Variants in TTC4 observed in about 807,000 individuals in gnomAD.
The protein encoded by TTC4 is tetratricopeptide repeat domain 4, also known as hsp70/Hsp90 co-chaperone CNS1 homolog.
Under a neutral mutation model 51.9 loss-of-function variants are expected in TTC4, and 36 were observed. The ratio of observed to expected loss-of-function variants is 0.69; its 90% CI spans 0.53 to 0.92. The LOEUF is 0.92. Ranked by LOEUF, TTC4 falls within the 40% of genes least tolerant of loss-of-function variation. The probability of loss-of-function intolerance (pLI) is 0.00; values close to 1 mark genes in which losing one functional copy is unlikely to be tolerated. For synonymous variants in TTC4, 144 were observed against 164.2 expected (o/e 0.88, Z 0.94); for missense variants, 399 against 454.6 (o/e 0.88, Z 1.11).
At chr1:54,726,801 C>G (rs1054927632) in intron 5 of TTC4, among the ~76,000 whole-genome samples, 1 of 152,088 alleles carries the variant, frequency 6.6e-6, no homozygotes, top group Non-Finnish European at 1.5e-5. Context: ...GAGACATGAA[C>G]TTGCTCTAAT....
chr1:54,726,695 T>C (rs1273571546), intron 5 of TTC4, among the ~76,000 whole-genome samples: 1 of 152,164 alleles, frequency 6.6e-6, no homozygotes, highest in African/African-American at 2.4e-5. Context: ...CCTAAGTAAA[T>C]AGGAAGACAT....
In TTC4 at chr1:54,718,796, T is replaced by G. The variant is rs150883700; in HGVS notation, c.391+1143T>G. On this transcript the variant is annotated intron_variant, in intron 3 of 9. Coordinates refer to ENST00000371281, the MANE Select transcript of TTC4 (RefSeq NM_004623.5). Reference sequence around the variant, plus strand: ...CCTGTGGGTTTTTTTTAAAAATAATTTATTTTTTTAATTGAGACAGGGGTC... The same window carrying G: ...CCTGTGGGTTTTTTTTAAAAATAATGTATTTTTTTAATTGAGACAGGGGTC... Among the ~76,000 whole-genome samples, 49 of 152,128 alleles carry G rather than the reference T, an allele frequency of 3.2e-4. 1 individual carries two copies. Among genetic ancestry groups the G allele is most frequent in the Admixed American group, 1.6e-3 (24 of 15,266 alleles).
chr1:54,736,165 A>G lies in TTC4; in HGVS notation c.979-1417A>G, dbSNP rs550762210. ...ACAGCTTGGGGGAGAAAGAGAGAGA[A>G]AGAAAGAAAGGAGAGAGAGAGAGAG... On this transcript the variant is annotated intron_variant, in intron 8 of 9. Transcript: ENST00000371281. 9.6e-4 allele frequency among the ~76,000 whole-genome samples: 109 copies of G among 113,982 alleles called. 3 individuals are homozygous for G. Among genetic ancestry groups the G allele is most frequent in the African/African-American group, 3.7e-3 (85 of 22,782 alleles). The allele number at this position is 113,982 out of a possible 152,430, so 74.8% of individuals were successfully genotyped here. A position where few individuals can be genotyped will look rare whatever the true frequency, so the allele number is the denominator to read the frequency against.
chr1:54,731,457 A>G, intron 6 of TTC4, 29 bp from the exon 7 acceptor site: 1 of 1,591,380 alleles, frequency 6.3e-7, no homozygotes, highest in Non-Finnish European at 8.6e-7. Flanking sequence ...GATGTGCATT[A>G]TGTGTGTGTG....
chr1:54,728,155 C>T (rs1360864699), intron 5 of TTC4, among the ~76,000 whole-genome samples, 191 bp from the exon 6 acceptor site: 1 of 152,144 alleles, frequency 6.6e-6, no homozygotes, highest in Non-Finnish European at 1.5e-5. Context: ...ATTTAAACTG[C>T]TGCTGCCACT....
chr1:54,721,132 TTC>T (rs766328641), intron 3 of TTC4, 29 bp from the exon 4 acceptor site: 266 of 1,609,358 alleles, frequency 1.7e-4, no homozygotes, highest in Non-Finnish European at 2.0e-4. Flanking sequence ...ATCTCAAAAC[TTC>T]TCTCTTTTAC....
rs770536460 is a variant in TTC4, at chr1:54,737,664, G to A, written c.1061G>A (p.Arg354Lys). Residue 354 changes from arginine to lysine, a missense_variant and splice_region_variant, in exon 9 of 10, where the codon AGG (arginine) becomes AAG (lysine). Arg to Lys is a conservative substitution (Grantham distance 26). This residue lies in a region of TTC4 where 64 missense variants were observed against 61.3 expected (regional missense o/e 1.04). Coordinates refer to ENST00000371281, the MANE Select transcript of TTC4 (RefSeq NM_004623.5). ...TTGCTACAGGTTCTACAGCACCAGA[G>A]GTGAGTCATCTCATGGCGCTGAGTA... ...STLLQVLQHQ[R>K]YFVKALTPAF... 6.2e-7 allele frequency: 1 copy of A among 1,612,310 alleles called. No individual in the cohort carries two copies. Among genetic ancestry groups the A allele is most frequent in the Non-Finnish European group, 8.5e-7 (1 of 1,179,922 alleles).
chr1:54,732,704 C>T (rs899970843), intron 7 of TTC4, among the ~76,000 whole-genome samples: 3 of 151,906 alleles, frequency 2.0e-5, no homozygotes, highest in African/African-American at 7.2e-5. Context: ...GAATGTTCCT[C>T]CCACCTCGGC....
chr1:54,716,388 C>G (rs1645675852), intron 1 of TTC4, among the ~76,000 whole-genome samples: 1 of 152,158 alleles, frequency 6.6e-6, no homozygotes, highest in Non-Finnish European at 1.5e-5. Context: ...TAATTCCTGC[C>G]GCTCTTGTAG....
chr1:54,716,000 A>G lies in TTC4; in HGVS notation c.92A>G (p.His31Arg). 6.3e-7 allele frequency: 1 copy of G among 1,594,154 alleles called. No homozygotes were observed. The highest frequency in any genetic ancestry group is 8.5e-7 in the Non-Finnish European group (1 of 1,170,782). Residue 31 changes from histidine to arginine, a missense_variant, in exon 1 of 10, where the codon CAT becomes CGT. By Grantham distance (29) the His-to-Arg change is conservative. Around this residue, in one of 3 missense-constraint regions of TTC4, gnomAD observed 316 missense variants for 349.6 expected, o/e 0.90. Transcript: ENST00000371281. The stretch of plus-strand genomic sequence containing the variant: ...AGCCAGCCTTACCGTGGCGGCTTTC[A>G]TGAGGACCAGTGGGAGAAGGTGGGC... Reference protein sequence around the residue: ...FQSQPYRGGFHEDQWEKEFEK... With the variant: ...FQSQPYRGGFREDQWEKEFEK...
chr1:54,741,494 A>T lies in TTC4; in HGVS notation c.1145A>T (p.Lys382Met), dbSNP rs766869227. 1 of 1,614,074 alleles carries T rather than the reference A, an allele frequency of 6.2e-7. No individual in the cohort carries two copies. Among genetic ancestry groups the T allele is most frequent in the Non-Finnish European group, 8.5e-7 (1 of 1,179,984 alleles). The change falls in exon 10 of 10, where the codon AAG (lysine) becomes ATG (methionine). Residue 382 changes from lysine (K) to methionine (M), a missense_variant. By Grantham distance (95) the Lys-to-Met change is moderately conservative (BLOSUM62 -1). Transcript: ENST00000371281. ...TGCAAGAATTTTCTCCGGGGGAGAA[A>T]GGTGTACCAGATACGATGACTAAGC... ...PFCKNFLRGRKVYQIR is the reference protein window; with the variant it reads ...PFCKNFLRGRMVYQIR
intron 5 of TTC4, among the ~76,000 whole-genome samples, chr1:54,723,789 G>A (rs1292596916): frequency 6.6e-6 from 1 of 152,128 alleles, no homozygotes; most frequent in African/African-American, 2.4e-5. Flanking sequence ...TTTAAATGTT[G>A]GATATTATTT....
intron 1 of TTC4, 150 bp downstream of exon 1, chr1:54,716,169 G>A (rs183751077): frequency 3.0e-6 from 2 of 674,710 alleles, no homozygotes; most frequent in East Asian, 2.8e-5. Context: ...TCGGCCTCGA[G>A]GTTTTGAGTC....
intron 6 of TTC4, among the ~76,000 whole-genome samples, chr1:54,730,788 ATTTC>A (rs1645855712): frequency 1.4e-5 from 2 of 140,684 alleles, no homozygotes; most frequent in African/African-American, 5.8e-5. Context: ...AATATTTGAC[ATTTC>A]TTTTTTTTTT....
At chr1:54,724,498 A>G (rs1645778249) in intron 5 of TTC4, among the ~76,000 whole-genome samples, 1 of 151,582 alleles carries the variant, frequency 6.6e-6, no homozygotes, top group South Asian at 2.1e-4. Flanking sequence ...CTGGTCTCAA[A>G]CTCCTGGGCT....
chr1:54,715,986 C>T lies in TTC4; in HGVS notation c.78C>T (p.Tyr26=). Residue 26 remains tyrosine (Y), a synonymous_variant, in exon 1 of 10, where the codon TAC becomes TAT. Transcript: ENST00000371281. ...SFLEKFQSQP[Y]RGGFHEDQWE... ...TGGAAAAGTTCCAGAGCCAGCCTTACCGTGGCGGCTTTCATGAGGACCAGT... is the reference window on the plus strand; with the variant it reads ...TGGAAAAGTTCCAGAGCCAGCCTTATCGTGGCGGCTTTCATGAGGACCAGT... The T allele has an allele frequency of 1.2e-6, 2 of 1,600,206 alleles. No individual in the cohort carries two copies. Among genetic ancestry groups the T allele is most frequent in the Non-Finnish European group, 1.7e-6 (2 of 1,173,534 alleles).
chr1:54,730,703 T>G (rs1645854733), intron 6 of TTC4, among the ~76,000 whole-genome samples: 1 of 152,194 alleles, frequency 6.6e-6, no homozygotes, highest in Non-Finnish European at 1.5e-5. Context: ...CCTTAATTTA[T>G]GCCCATGTCT....
intron 8 of TTC4, 120 bp from the exon 9 acceptor site, chr1:54,737,462 A>T: frequency 1.3e-6 from 1 of 790,580 alleles, no homozygotes. Context: ...CTACACAACC[A>T]TATAAAGGAG....
chr1:54,731,100 A>C (rs1645860473), intron 6 of TTC4, among the ~76,000 whole-genome samples: 1 of 152,234 alleles, frequency 6.6e-6, no homozygotes, highest in South Asian at 2.1e-4. Flanking sequence ...AGGGTCCAGC[A>C]CAAGATAGAT....
Sources: gnomAD v4.1 joint callset for allele counts (sites outside exome capture counted in the v4.1 genomes callset) on GRCh38, gnomAD v4.1.1 for gene constraint, gnomAD v4.1.1 regional missense constraint, MANE v1.5 for transcripts, NCBI Gene and HGNC (gene_info 2026-07-23, HGNC 2026-07-21) for gene names.